The following PLAUR variants were observed in gnomAD, a reference collection of about 807,000 sequenced individuals.
The protein encoded by PLAUR is plasminogen activator, urokinase receptor, also known as urokinase plasminogen activator surface receptor.
Under a neutral mutation model 33.4 loss-of-function variants are expected in PLAUR, and 22 were observed. The observed-to-expected ratio is 0.66, with a 90% CI of 0.47 to 0.94. The LOEUF (loss-of-function observed/expected upper bound fraction) is 0.94, where lower values mean the gene tolerates loss of function less well. PLAUR is among the 40% of genes least tolerant of loss of function. PLAUR has a pLI of 0.00. For synonymous variants in PLAUR, 148 were observed against 167.3 expected (o/e 0.88, Z 0.89); for missense variants, 408 against 434.7 (o/e 0.94, Z 0.55).
chr19:43,648,295 C>T (rs1973858071), downstream of PLAUR, among the ~76,000 whole-genome samples: 1 of 152,084 alleles, frequency 6.6e-6, no homozygotes, highest in African/African-American at 2.4e-5. Flanking sequence ...CCTGCCTCAG[C>T]CTCCCGAATA....
chr19:43,666,762 T>C (rs1255973906), intron 2 of PLAUR, among the ~76,000 whole-genome samples: 1 of 151,234 alleles, frequency 6.6e-6, no homozygotes, highest in Non-Finnish European at 1.5e-5. Flanking sequence ...AGAGACAGGG[T>C]TTCACCATGT....
intron 1 of PLAUR, among the ~76,000 whole-genome samples, chr19:43,669,809 C>CAAAAAAAAAAAAAAAAAAAAAAAAA (rs59728904): frequency 1.4e-5 from 1 of 71,192 alleles, no homozygotes. Context: ...GAGACTCTGT[C>CAAAAAAAAAAAAAAAAAAAAAAAAA]AAAAAAAAAA....
At chr19:43,646,786 GT>G, downstream of PLAUR, among the ~76,000 whole-genome samples, 1 of 128,986 alleles carries the variant, frequency 7.8e-6, no homozygotes, top group African/African-American at 2.9e-5. Context: ...CATGGAAGAT[GT>G]CTTTTTTTTT....
intron 3 of PLAUR, among the ~76,000 whole-genome samples, chr19:43,662,361 G>A (rs1967038689): frequency 6.6e-6 from 1 of 152,102 alleles, no homozygotes; most frequent in Non-Finnish European, 1.5e-5. Context: ...AGCCGGGCAT[G>A]GTGGCGGGTG....
chr19:43,656,257 AAAAT>A (rs552872609), intron 4 of PLAUR, among the ~76,000 whole-genome samples: 1 of 137,718 alleles, frequency 7.3e-6, no homozygotes, highest in Admixed American at 7.2e-5. Flanking sequence ...TCTGTCTCAA[AAAAT>A]AAATAAATAA....
chr19:43,667,852 T>G (rs1315959833), intron 1 of PLAUR, 161 bp from the exon 2 acceptor site: 1 of 1,447,164 alleles, frequency 6.9e-7, no homozygotes, highest in African/African-American at 1.4e-5. Flanking sequence ...ACTTCCAGTC[T>G]GTCCGTTGTC....
At chr19:43,647,261 T>C (rs1171693258), downstream of PLAUR, among the ~76,000 whole-genome samples, 10 of 152,088 alleles carry the variant, frequency 6.6e-5, no homozygotes, top group Non-Finnish European at 1.3e-4. Flanking sequence ...TCCCGGGAAA[T>C]AGAGCCCAGC....
intron 2 of PLAUR, among the ~76,000 whole-genome samples, chr19:43,667,024 G>A (rs1600144885): frequency 1.3e-5 from 2 of 151,820 alleles, no homozygotes; most frequent in Non-Finnish European, 2.9e-5. Context: ...TTACAGGTGC[G>A]TGCCACCACA....
intron 3 of PLAUR, among the ~76,000 whole-genome samples, chr19:43,657,469 C>T (rs1385775810): frequency 2.0e-5 from 3 of 152,224 alleles, no homozygotes; most frequent in African/African-American, 7.2e-5. Flanking sequence ...GACACATGTT[C>T]CCTGGCATCC....
chr19:43,650,966 G>T (rs1210558603), intron 6 of PLAUR, among the ~76,000 whole-genome samples: 1 of 150,692 alleles, frequency 6.6e-6, no homozygotes, highest in Non-Finnish European at 1.5e-5. Context: ...CCAGGAGGGG[G>T]AGGTTGCAGT....
At chr19:43,658,273 G>A (rs1166896255) in intron 3 of PLAUR, among the ~76,000 whole-genome samples, 1 of 152,170 alleles carries the variant, frequency 6.6e-6, no homozygotes, top group Non-Finnish European at 1.5e-5. Flanking sequence ...CATGGGAGGG[G>A]AGCATTCATG....
rs1365181577 is a variant in PLAUR at position 43,648,985 on chromosome 19, C to T, written c.913G>A (p.Gly305Arg). Residue 305 changes from glycine (G) to arginine (R), a missense_variant, in exon 7 of 7, where the codon GGG (glycine) becomes AGG (arginine). Transcript: ENST00000340093. ...HPDLDVQYRSGAAPQPGPAHL... is the reference protein window; with the variant it reads ...HPDLDVQYRSRAAPQPGPAHL... ...GCAGGGCCAGGCTGAGGAGCAGCCC[C>T]ACTGCGGTACTGGACATCCAGGTCT... The T allele has an allele frequency of 1.9e-6, 3 of 1,614,042 alleles. No homozygotes were observed. The highest frequency in any genetic ancestry group is 2.5e-6 in the Non-Finnish European group (3 of 1,180,018).
rs555944347 is a variant in PLAUR, at chr19:43,663,803, A to C, written c.310+1513T>G. ...TCTCAAACGAACAAACAAACAAAAA[A>C]AAAAAACAAAAACAAAAGGAAACAA... On this transcript the variant is annotated intron_variant, in intron 3 of 6. Coordinates refer to ENST00000340093, the MANE Select transcript of PLAUR (RefSeq NM_002659.4). Among the ~76,000 whole-genome samples the C allele has an allele frequency of 7.3e-5, 11 of 151,210 alleles. No individual in the cohort carries two copies. The East Asian group carries it at 1.7e-3, about 24-fold the overall frequency.
Position 43,648,984 on chromosome 19 carries a change from C to G in PLAUR, c.914G>C (p.Gly305Ala), listed in dbSNP as rs768317969. 44 of 1,613,984 alleles carry G rather than the reference C, an allele frequency of 2.7e-5. No individual in the cohort carries two copies. The highest frequency in any genetic ancestry group is 3.7e-5 in the Non-Finnish European group (44 of 1,180,000). The change falls in exon 7 of 7, where the codon GGG (glycine) becomes GCG (alanine). Residue 305 changes from glycine (G) to alanine (A), a missense_variant. Physicochemically the swap from Gly to Ala is moderately conservative, Grantham distance 60 (BLOSUM62 0). Transcript: ENST00000340093. Reference protein sequence around the residue: ...HPDLDVQYRSGAAPQPGPAHL... With the variant: ...HPDLDVQYRSAAAPQPGPAHL... ...GGCAGGGCCAGGCTGAGGAGCAGCCCCACTGCGGTACTGGACATCCAGGTC... is the reference window on the plus strand; with the variant it reads ...GGCAGGGCCAGGCTGAGGAGCAGCCGCACTGCGGTACTGGACATCCAGGTC...
At chr19:43,653,283 AACATTTCTATCTGTTG>A (rs1974071341) in intron 5 of PLAUR, among the ~76,000 whole-genome samples, 1 of 152,216 alleles carries the variant, frequency 6.6e-6, no homozygotes. Context: ...ACAGATAGGG[AACATTTCTATCTGTTG>A]ACAGTGCTGG....
downstream of PLAUR, chr19:43,648,505 G>C: frequency 2.2e-6 from 2 of 907,252 alleles, no homozygotes; most frequent in Non-Finnish European, 2.6e-6. Flanking sequence ...GATTCCAGGA[G>C]CCTGTGAAAA....
intron 1 of PLAUR, chr19:43,668,298 G>C: frequency 1.0e-6 from 1 of 986,456 alleles, no homozygotes; most frequent in South Asian, 4.6e-5. Flanking sequence ...GCGAAGTTCT[G>C]TCTCCGCCCT....
At chr19:43,661,025 G>C (rs1435948046) in intron 3 of PLAUR, 4 of 152,242 alleles carry the variant, frequency 2.6e-5, no homozygotes, top group African/African-American at 9.6e-5. Flanking sequence ...ATGTCTGCTG[G>C]AAGCCTTGTT....
chr19:43,667,723 T>C (rs757646285), intron 1 of PLAUR, 32 bp from the exon 2 acceptor site: 18 of 1,609,094 alleles, frequency 1.1e-5, no homozygotes, highest in South Asian at 2.2e-5. Flanking sequence ...GAGGAGAGGT[T>C]AACTACGCTT....
Sources: allele counts gnomAD v4.1 joint callset (sites outside exome capture counted in the v4.1 genomes callset), GRCh38; gene constraint gnomAD v4.1.1; transcripts MANE v1.5; gene names NCBI Gene and HGNC (gene_info 2026-07-23, HGNC 2026-07-21).